The following ATP8B4 variants were observed in gnomAD, a reference collection of about 807,000 sequenced individuals.
The protein encoded by ATP8B4 is ATPase phospholipid transporting 8B4 (putative).
In ATP8B4, 133 loss-of-function variants were observed where a neutral mutation model predicts 145.6. That is an observed-to-expected ratio of 0.91 (90% CI 0.79 to 1.05). ATP8B4 has a LOEUF of 1.05. ATP8B4 is among the 50% of genes least tolerant of loss of function. The probability of loss-of-function intolerance (pLI) is 0.00; values close to 1 mark genes in which losing one functional copy is unlikely to be tolerated. For synonymous variants in ATP8B4, 507 were observed against 492.9 expected (o/e 1.03, Z -0.38); for missense variants, 1,458 against 1,425.2 (o/e 1.02, Z -0.37).
At chr15:50,147,034 A>G (rs145764613) in intron 1 of ATP8B4, among the ~76,000 whole-genome samples, 5 of 152,100 alleles carry the variant, frequency 3.3e-5, no homozygotes, top group African/African-American at 1.2e-4. Flanking sequence ...TTGTTTTTTA[A>G]AAGAGATATG....
intron 14 of ATP8B4, among the ~76,000 whole-genome samples, chr15:49,947,421 G>C (rs2042665720): frequency 7.5e-6 from 1 of 133,066 alleles, no homozygotes; most frequent in East Asian, 2.1e-4. Context: ...ACTGGCGACA[G>C]AGTGAGACTC....
intron 5 of ATP8B4, 33 bp from the exon 6 acceptor site, chr15:50,038,862 T>C (rs2051044959): frequency 6.3e-7 from 1 of 1,585,660 alleles, no homozygotes; most frequent in South Asian, 1.1e-5. Flanking sequence ...AGAAAACACA[T>C]TACAAGGTAC....
chr15:50,053,930 T>C (rs1157451135), intron 3 of ATP8B4, among the ~76,000 whole-genome samples: 3 of 152,198 alleles, frequency 2.0e-5, no homozygotes, highest in Non-Finnish European at 4.4e-5. Context: ...ATTTGGAGCA[T>C]TTGGGAGATT....
In ATP8B4 at chr15:49,918,889, C is replaced by A. The variant is rs144592750; in HGVS notation, c.1985G>T (p.Ser662Ile). Reference sequence around the variant, plus strand: ...GATCTTAATATTGGCTAGTGATAAACTTGTAACTGTTTCAATAACACCCTC... The same window carrying A: ...GATCTTAATATTGGCTAGTGATAAAATTGTAACTGTTTCAATAACACCCTC... ...LQEGVIETVT[S>I]LSLANIKIWV... The change falls in exon 19 of 28, where the codon AGT (serine) becomes ATT (isoleucine). Residue 662 changes from serine (S) to isoleucine (I), a missense_variant. Transcript: ENST00000284509. The A allele has an allele frequency of 9.8e-5, 158 of 1,613,578 alleles. No individual in the cohort carries two copies. Among genetic ancestry groups the A allele is most frequent in the Non-Finnish European group, 1.3e-4 (148 of 1,179,766 alleles).
intron 6 of ATP8B4, among the ~76,000 whole-genome samples, chr15:50,017,089 A>G (rs1267101428): frequency 1.3e-5 from 2 of 152,184 alleles, no homozygotes; most frequent in African/African-American, 4.8e-5. Context: ...TTTCAATACT[A>G]TAAAGTTAAT....
intron 1 of ATP8B4, among the ~76,000 whole-genome samples, chr15:50,176,087 G>GTA (rs1006393585): frequency 2.0e-5 from 3 of 150,564 alleles, no homozygotes; most frequent in Admixed American, 6.6e-5. Flanking sequence ...ATACCACAGA[G>GTA]TATATATATA....
At chr15:50,096,015 T>C (rs2055960876) in intron 2 of ATP8B4, among the ~76,000 whole-genome samples, 1 of 152,152 alleles carries the variant, frequency 6.6e-6, no homozygotes, top group African/African-American at 2.4e-5. Flanking sequence ...TAGGAAAGAT[T>C]TCACAATAAA....
At chr15:49,933,074 G>A (rs998759842) in intron 15 of ATP8B4, among the ~76,000 whole-genome samples, 1 of 151,830 alleles carries the variant, frequency 6.6e-6, no homozygotes, top group African/African-American at 2.4e-5. Context: ...ATCCTTTCTG[G>A]AGGAACCAAC....
chr15:50,112,084 A>G (rs1021032254), intron 1 of ATP8B4, among the ~76,000 whole-genome samples: 1 of 152,170 alleles, frequency 6.6e-6, no homozygotes, highest in African/African-American at 2.4e-5. Flanking sequence ...GAGGAGCTAG[A>G]GGGCATGTGG....
rs997829310 is a variant in ATP8B4, at chr15:50,157,390, T to C, written c.-43+24871A>G. On this transcript the variant is annotated intron_variant, in intron 1 of 3. Transcript: ENST00000558829. ...GGAGAGCTCAAAGAGCTCAATGAAG[T>C]ATTGTACACCAGATCTAAGAATCAT... is the stretch of plus-strand genomic sequence containing the variant. Among the ~76,000 whole-genome samples, 5 of 152,308 alleles carry C rather than the reference T, an allele frequency of 3.3e-5. No homozygotes were observed. The East Asian group carries it at 9.6e-4, about 29-fold the overall frequency.
intron 3 of ATP8B4, among the ~76,000 whole-genome samples, chr15:50,057,626 T>C (rs1434186011): frequency 2.6e-5 from 4 of 152,188 alleles, no homozygotes; most frequent in East Asian, 1.9e-4. Context: ...AGGGAGCTCA[T>C]TTTCCATCTA....
chr15:49,943,024 T>A (rs1322780801), intron 14 of ATP8B4, among the ~76,000 whole-genome samples: 1 of 151,964 alleles, frequency 6.6e-6, no homozygotes, highest in African/African-American at 2.4e-5. Flanking sequence ...ACAAAAAGAC[T>A]TTAAAAAAAT....
intron 6 of ATP8B4, among the ~76,000 whole-genome samples, chr15:50,024,042 A>G (rs189844816): frequency 1.3e-5 from 2 of 152,278 alleles, no homozygotes; most frequent in Admixed American, 1.3e-4. Flanking sequence ...TTAACATATT[A>G]TCACTCAAGT....
At chr15:50,130,890 T>G (rs923387030) in intron 1 of ATP8B4, among the ~76,000 whole-genome samples, 1 of 152,184 alleles carries the variant, frequency 6.6e-6, no homozygotes, top group Non-Finnish European at 1.5e-5. Context: ...CATACTGATA[T>G]AAAGAACTAC....
chr15:50,081,199 C>T (rs933679375), intron 2 of ATP8B4, among the ~76,000 whole-genome samples: 1 of 151,878 alleles, frequency 6.6e-6, no homozygotes, highest in Non-Finnish European at 1.5e-5. Context: ...TCTGCAAGTA[C>T]CTATACAAGC....
intron 1 of ATP8B4, among the ~76,000 whole-genome samples, chr15:50,146,011 T>A (rs912181949): frequency 1.2e-5 from 1 of 84,296 alleles, no homozygotes; most frequent in African/African-American, 4.7e-5. Context: ...ACATAAATGT[T>A]TACTTTTTTT....
chr15:50,052,637 G>C (rs889900589), intron 3 of ATP8B4, among the ~76,000 whole-genome samples: 10 of 152,168 alleles, frequency 6.6e-5, no homozygotes, highest in African/African-American at 2.4e-4. Context: ...AGTTGGGAGA[G>C]AGTGTCACAC....
chr15:50,094,298 T>G (rs1476130129), intron 2 of ATP8B4, among the ~76,000 whole-genome samples: 1 of 151,902 alleles, frequency 6.6e-6, no homozygotes, highest in African/African-American at 2.4e-5. Context: ...GGGACATCAG[T>G]TTTTTCTTGC....
intron 3 of ATP8B4, among the ~76,000 whole-genome samples, chr15:50,051,203 C>A (rs1345449872): frequency 1.3e-5 from 2 of 152,120 alleles, no homozygotes; most frequent in East Asian, 3.8e-4. Context: ...AGGGGCTTTC[C>A]CTTCTTTTGC....
Sources: allele counts gnomAD v4.1 joint callset (sites outside exome capture counted in the v4.1 genomes callset), GRCh38; gene constraint gnomAD v4.1.1; transcripts MANE v1.5; gene names NCBI Gene and HGNC (gene_info 2026-07-23, HGNC 2026-07-21).